ZNF385D: variants seen among roughly 807,000 people sequenced by gnomAD.
ZNF385D encodes zinc finger protein 385D.
ZNF385D carries 15 observed loss-of-function variants against 35.8 expected under a neutral mutation model. The ratio of observed to expected loss-of-function variants is 0.42; its 90% CI spans 0.28 to 0.64. The LOEUF is 0.64. Among genes scored for constraint, ZNF385D ranks in the 30% least tolerant of loss-of-function variants. The pLI is 0.23. For synonymous variants in ZNF385D, 212 were observed against 186.8 expected, an observed-to-expected ratio of 1.13 and a Z score of -1.10; for missense variants, 474 against 494.6, an observed-to-expected ratio of 0.96 and a Z score of 0.39.
intron 3 of ZNF385D, among the ~76,000 whole-genome samples, chr3:21,858,781 C>T (rs112106103): frequency 6.6e-6 from 1 of 152,218 alleles, no homozygotes; most frequent in East Asian, 1.9e-4. Flanking sequence ...TATAGTTCTA[C>T]ATAAGTTCTC....
At position 22,312,299 on chromosome 3, in the gene ZNF385D, C is replaced by T. The variant is rs184335559; in HGVS notation, c.106+60151G>A. 7.1e-4 allele frequency among the ~76,000 whole-genome samples: 108 copies of T among 152,240 alleles called. 1 individual carries two copies. Among genetic ancestry groups the T allele is most frequent in the African/African-American group, 2.4e-3 (99 of 41,550 alleles). ...TCAATTAAGTCAACTTTCATAAGCACTTCCTATTTTGAAATCACACCATTA... is the reference window on the plus strand; with the variant it reads ...TCAATTAAGTCAACTTTCATAAGCATTTCCTATTTTGAAATCACACCATTA... On this transcript the variant is annotated intron_variant, in intron 2 of 5. Transcript: ENST00000494108.
intron 2 of ZNF385D, among the ~76,000 whole-genome samples, chr3:22,313,427 T>C (rs1286291698): frequency 6.6e-6 from 1 of 151,990 alleles, no homozygotes; most frequent in East Asian, 1.9e-4. Context: ...GATGTAGATA[T>C]AACATTTTTA....
intron 4 of ZNF385D, among the ~76,000 whole-genome samples, chr3:21,461,056 A>G (rs901577716): frequency 9.2e-5 from 14 of 152,210 alleles, no homozygotes; most frequent in African/African-American, 2.4e-4. Flanking sequence ...ATTAATTCAC[A>G]TAAAGTCACA....
At chr3:21,698,198 A>G (rs1254424458) in intron 1 of ZNF385D, among the ~76,000 whole-genome samples, 2 of 152,218 alleles carry the variant, frequency 1.3e-5, no homozygotes, top group South Asian at 2.1e-4. Flanking sequence ...GAATTAACCT[A>G]GGTGTCCATC....
At chr3:22,333,984 T>C (rs116764337) in intron 2 of ZNF385D, among the ~76,000 whole-genome samples, 1,546 of 152,338 alleles carry the variant, frequency 0.01, 35 homozygotes, top group African/African-American at 0.034. Flanking sequence ...ATGTATTTTA[T>C]AGTTACATTC....
intron 3 of ZNF385D, among the ~76,000 whole-genome samples, chr3:22,067,592 G>A (rs1453063314): frequency 6.6e-6 from 1 of 152,098 alleles, no homozygotes; most frequent in African/African-American, 2.4e-5. Flanking sequence ...TAACTCAGAG[G>A]TGGTACACTT....
chr3:21,976,428 T>C (rs964857461), intron 3 of ZNF385D, among the ~76,000 whole-genome samples: 5 of 152,020 alleles, frequency 3.3e-5, no homozygotes, highest in South Asian at 2.1e-4. Flanking sequence ...GAATTTTGAA[T>C]TGAAAAAATA....
intron 3 of ZNF385D, among the ~76,000 whole-genome samples, chr3:22,043,761 G>A (rs1056282212): frequency 3.9e-5 from 6 of 151,952 alleles, no homozygotes; most frequent in Non-Finnish European, 8.8e-5. Flanking sequence ...AATACAATAC[G>A]GTAAAAATGA....
rs542066843 is a variant in ZNF385D, at chr3:21,485,470, C to T, written c.439+25391G>A. Among the ~76,000 whole-genome samples the T allele has an allele frequency of 2.6e-5, 4 of 152,240 alleles. No individual in the cohort carries two copies. The South Asian group carries it at 8.3e-4, about 32-fold the overall frequency. ...GCATCATTGATTCTTACCTTTCTGGCACATCAAGGGACCTGGAATGCCTTG... is the reference window on the plus strand; with the variant it reads ...GCATCATTGATTCTTACCTTTCTGGTACATCAAGGGACCTGGAATGCCTTG... On this transcript the variant is annotated intron_variant, in intron 4 of 7. Transcript: ENST00000281523.
chr3:22,044,462 T>C (rs539995548), intron 3 of ZNF385D, among the ~76,000 whole-genome samples: 44 of 152,160 alleles, frequency 2.9e-4, no homozygotes, highest in African/African-American at 8.9e-4. Flanking sequence ...AAAACAAACA[T>C]AAAAATTTTT....
chr3:21,838,492 C>T (rs17009717), intron 3 of ZNF385D, among the ~76,000 whole-genome samples: 1 of 151,974 alleles, frequency 6.6e-6, no homozygotes, highest in Non-Finnish European at 1.5e-5. Context: ...GCTATAAGAC[C>T]TTTTTGCCTA....
At chr3:21,732,516 G>T (rs1302290075) in intron 1 of ZNF385D, among the ~76,000 whole-genome samples, 2 of 152,222 alleles carry the variant, frequency 1.3e-5, no homozygotes, top group African/African-American at 4.8e-5. Context: ...AGCAATGAAT[G>T]AGAGTTCCTG....
chr3:21,562,370 A>C (rs1575186635), intron 3 of ZNF385D, among the ~76,000 whole-genome samples: 1 of 152,126 alleles, frequency 6.6e-6, no homozygotes, highest in Non-Finnish European at 1.5e-5. Flanking sequence ...TTTGACATCA[A>C]TCTACAGAAT....
chr3:22,132,735 TATAA>T (rs1703875329), intron 3 of ZNF385D, among the ~76,000 whole-genome samples: 1 of 152,090 alleles, frequency 6.6e-6, no homozygotes, highest in African/African-American at 2.4e-5. Context: ...ATAGTAATAT[TATAA>T]ATACTTAATA....
chr3:22,057,010 G>A (rs558970750), intron 3 of ZNF385D, among the ~76,000 whole-genome samples: 47 of 152,288 alleles, frequency 3.1e-4, no homozygotes, highest in African/African-American at 9.9e-4. Flanking sequence ...TATATACTCC[G>A]TTTTCCATGA....
chr3:22,317,133 C>T (rs7621345), intron 2 of ZNF385D, among the ~76,000 whole-genome samples: 2,653 of 151,384 alleles, frequency 0.018, 60 homozygotes, highest in African/African-American at 0.048. Flanking sequence ...CAAAATTAGC[C>T]GGGCATGGTG....
intron 2 of ZNF385D, among the ~76,000 whole-genome samples, chr3:22,339,710 T>C (rs892912398): frequency 3.3e-5 from 5 of 152,242 alleles, no homozygotes; most frequent in Non-Finnish European, 7.3e-5. Flanking sequence ...ACCTGCTTTA[T>C]GTGCTCACTC....
At chr3:21,655,356 G>GTTT (rs1559493272) in intron 2 of ZNF385D, among the ~76,000 whole-genome samples, 2 of 151,710 alleles carry the variant, frequency 1.3e-5, no homozygotes, top group African/African-American at 2.4e-5. Context: ...GTTTAGTGTT[G>GTTT]TTGCTTTTTC....
chr3:21,468,692 G>A (rs538016941), intron 4 of ZNF385D, among the ~76,000 whole-genome samples: 92 of 152,240 alleles, frequency 6.0e-4, no homozygotes, highest in African/African-American at 2.0e-3. Context: ...TTGGGAGTCC[G>A]AGGCAGGCGG....
Sources: allele counts gnomAD v4.1 joint callset (sites outside exome capture counted in the v4.1 genomes callset), GRCh38; gene constraint gnomAD v4.1.1; transcripts MANE v1.5; gene names NCBI Gene and HGNC (gene_info 2026-07-23, HGNC 2026-07-21).